The following CDC45 variants were observed in gnomAD, a reference collection of about 807,000 sequenced individuals.
The protein encoded by CDC45 is cell division control protein 45 homolog.
Under a neutral mutation model 77.8 loss-of-function variants are expected in CDC45, and 54 were observed. The ratio of observed to expected loss-of-function variants is 0.69; its 90% CI spans 0.56 to 0.87. CDC45 has a LOEUF of 0.87. CDC45 is among the 40% of genes least tolerant of loss of function. CDC45 has a pLI of 0.00. For missense variants in CDC45, 649 were observed against 721.6 expected (o/e 0.90, Z 1.15); for synonymous variants, 260 against 272.1 (o/e 0.96, Z 0.44).
rs781342027 is a variant in CDC45, at chr22:19,516,662, C to T, written c.1559+17C>T. On this transcript the variant is annotated intron_variant, in intron 16 of 18. Coordinates refer to ENST00000263201, the MANE Select transcript of CDC45 (RefSeq NM_003504.5). ...CAGGAAGAAGTGAGCAGCTTCCACT[C>T]GTCCTGGGACTGGAGGGTCGGGGGT... 55 of 1,599,526 alleles carry T rather than the reference C, an allele frequency of 3.4e-5. No individual in the cohort carries two copies. In the South Asian group the frequency reaches 4.2e-4, roughly 12 times the overall value.
intron 13 of CDC45, among the ~76,000 whole-genome samples, chr22:19,509,225 T>C (rs1180917302): frequency 6.6e-6 from 1 of 152,214 alleles, no homozygotes; most frequent in Non-Finnish European, 1.5e-5. Context: ...AAGAGGATTA[T>C]AGTGTCTGCG....
chr22:19,516,295 C>A, intron 15 of CDC45: 1 of 555,378 alleles, frequency 1.8e-6, no homozygotes. Context: ...GCCACAGTAC[C>A]ATGCTGTGGG....
chr22:19,483,765 C>A, intron 4 of CDC45, 97 bp from the exon 5 acceptor site: 2 of 1,173,750 alleles, frequency 1.7e-6, no homozygotes, highest in Non-Finnish European at 2.4e-6. Flanking sequence ...GAAACTGAGT[C>A]AGCTTATTAG....
At chr22:19,491,716 AT>A (rs1439927216) in intron 5 of CDC45, among the ~76,000 whole-genome samples, 1 of 151,144 alleles carries the variant, frequency 6.6e-6, no homozygotes, top group East Asian at 1.9e-4. Context: ...TGTTTCTCTT[AT>A]TTTTTTGAGA....
At chr22:19,506,912 C>T (rs1362097964) in intron 10 of CDC45, among the ~76,000 whole-genome samples, 9 of 150,306 alleles carry the variant, frequency 6.0e-5, no homozygotes, top group Admixed American at 4.0e-4. Flanking sequence ...CCAGCCTGGG[C>T]GACAGAGCGA....
At chr22:19,499,441 G>C (rs2090301665) in intron 9 of CDC45, among the ~76,000 whole-genome samples, 1 of 152,122 alleles carries the variant, frequency 6.6e-6, no homozygotes, top group Non-Finnish European at 1.5e-5. Context: ...GCCAGGCTTA[G>C]AGGCAGGTGC....
rs13447236 is a variant in CDC45 at position 19,500,420 on chromosome 22, C to A, written c.704+1269C>A. 3.9e-3 allele frequency among the ~76,000 whole-genome samples: 592 copies of A among 152,258 alleles called. 4 individuals carry two copies. The highest frequency in any genetic ancestry group is 0.013 in the African/African-American group (555 of 41,536). On this transcript the variant is annotated intron_variant, in intron 9 of 18. Transcript: ENST00000263201. ...AGTCACTAGGTCGGCGTGCTCTCTG[C>A]CTGCTTCCTCGTAGCTGCTTGGTGT...
chr22:19,486,453 T>C (rs1389902347), intron 5 of CDC45, among the ~76,000 whole-genome samples: 2 of 152,218 alleles, frequency 1.3e-5, no homozygotes, highest in African/African-American at 4.8e-5. Flanking sequence ...TTACCTCTTT[T>C]TTTTCTTTTG....
chr22:19,480,201 C>T lies in CDC45; in HGVS notation c.95C>T (p.Ala32Val). The change falls in exon 2 of 19, where the codon GCG becomes GTG. Residue 32 changes from alanine to valine, a missense_variant. Coordinates refer to ENST00000263201, the MANE Select transcript of CDC45 (RefSeq NM_003504.5). ...FVASDVDALCACKILQALFQC... is the reference protein window; with the variant it reads ...FVASDVDALCVCKILQALFQC... ...GCCTCGGACGTGGATGCTCTGTGTGCGTGCAAGATCCTTCAGGTGAGTTCT... is the reference window on the plus strand; with the variant it reads ...GCCTCGGACGTGGATGCTCTGTGTGTGTGCAAGATCCTTCAGGTGAGTTCT... The T allele has an allele frequency of 2.5e-6, 4 of 1,613,852 alleles. No homozygotes were observed.
intron 8 of CDC45, among the ~76,000 whole-genome samples, chr22:19,497,703 T>G (rs1196829567): frequency 1.3e-5 from 2 of 152,076 alleles, no homozygotes; most frequent in Non-Finnish European, 2.9e-5. Context: ...CCTTCCCCAC[T>G]CCTGCTGCTC....
At chr22:19,479,912 C>T, upstream of CDC45, 1 of 1,597,286 alleles carries the variant, frequency 6.3e-7, no homozygotes, top group Non-Finnish European at 8.6e-7. Context: ...GGAGTCTTGA[C>T]CGCCGCCGGG....
At position 19,485,132 on chromosome 22, in the gene CDC45, A is replaced by G. The variant is rs141453532; in HGVS notation, c.486+1127A>G. On this transcript the variant is annotated intron_variant, in intron 5 of 18. Coordinates refer to ENST00000263201, the MANE Select transcript of CDC45 (RefSeq NM_003504.5). ...CTTTTTGTTCTCTGAATTTTTTTTT[A>G]TATAGCATTCTTTTAACTATCGATG... 8.2e-3 allele frequency among the ~76,000 whole-genome samples: 1,246 copies of G among 151,816 alleles called. 16 individuals are homozygous for G. The highest frequency in any genetic ancestry group is 0.029 in the African/African-American group (1,181 of 41,402).
At chr22:19,516,780 G>A in intron 16 of CDC45, 37 bp from the exon 17 acceptor site, 3 of 1,594,180 alleles carry the variant, frequency 1.9e-6, no homozygotes, top group Non-Finnish European at 2.6e-6. Flanking sequence ...GTCCATTGCA[G>A]GCCGCCTGGC....
In CDC45 at chr22:19,505,409, G is replaced by C; in HGVS notation, c.752G>C (p.Arg251Pro). ...DVGVLQRHVS[R>P]HNHRNEDEEN... is the part of the protein sequence containing the mutation. ...GGTGTCCTGCAGCGCCACGTTTCCC[G>C]CCACAACCACCGGAACGAGGATGAG... The change falls in exon 10 of 19, where the codon CGC (arginine) becomes CCC (proline). Residue 251 changes from arginine to proline, a missense_variant. By Grantham distance (103) the Arg-to-Pro change is moderately radical. Coordinates refer to ENST00000263201, the MANE Select transcript of CDC45 (RefSeq NM_003504.5). The C allele has an allele frequency of 6.2e-7, 1 of 1,614,064 alleles. No homozygotes were observed. Among genetic ancestry groups the C allele is most frequent in the Non-Finnish European group, 8.5e-7 (1 of 1,179,956 alleles).
chr22:19,494,535 G>C (rs764074237), intron 6 of CDC45, 153 bp downstream of exon 6: 1 of 1,551,196 alleles, frequency 6.4e-7, no homozygotes, highest in South Asian at 1.2e-5. Context: ...TGTGGCCGCT[G>C]CATTGGAGAA....
In CDC45 at chr22:19,520,508, T is replaced by G. The variant is rs2096054084; in HGVS notation, c.*29T>G. On this transcript the variant is annotated 3_prime_UTR_variant, in exon 19 of 19. Coordinates refer to ENST00000263201, the MANE Select transcript of CDC45 (RefSeq NM_003504.5). This position sits in a 1 kb window ranked among gnomAD's most constrained non-coding sequence, Gnocchi z 4.5. ...TTTGATTCTTCCAGAATGACCTTCTTATTTATGTAACTGGCTTTCATTTAG... is the reference window on the plus strand; with the variant it reads ...TTTGATTCTTCCAGAATGACCTTCTGATTTATGTAACTGGCTTTCATTTAG... 1 of 152,264 alleles carries G rather than the reference T, an allele frequency of 6.6e-6. No homozygotes were observed. The highest frequency in any genetic ancestry group is 1.5e-5 in the Non-Finnish European group (1 of 68,042). 9.4% of individuals were successfully genotyped at this position (152,264 alleles called of 1,614,324 possible).
chr22:19,514,711 A>G (rs777643760), intron 13 of CDC45, 38 bp from the exon 14 acceptor site: 4 of 1,538,296 alleles, frequency 2.6e-6, no homozygotes, highest in Non-Finnish European at 2.6e-6. Context: ...AGAGTTCCTG[A>G]CAAGCACCAC....
intron 10 of CDC45, among the ~76,000 whole-genome samples, chr22:19,507,085 C>T (rs1046725405): frequency 3.3e-5 from 5 of 152,204 alleles, no homozygotes; most frequent in Non-Finnish European, 7.3e-5. Flanking sequence ...CAGCCTCCTA[C>T]GTCATGTGTG....
Position 19,508,697 on chromosome 22 carries a change from A to G in CDC45, c.1217+6A>G. On this transcript the variant is annotated splice_donor_region_variant and intron_variant, in intron 13 of 18. Coordinates refer to ENST00000263201, the MANE Select transcript of CDC45 (RefSeq NM_003504.5). ...GCTCTGGACAGCCTCTCCAGGTAGC[A>G]GGAGGGCTGTGGGTTTGCCTCATGG... The G allele has an allele frequency of 2.5e-6, 4 of 1,613,406 alleles. No individual in the cohort carries two copies. Among genetic ancestry groups the G allele is most frequent in the Non-Finnish European group, 3.4e-6 (4 of 1,179,584 alleles).
Sources: gnomAD v4.1 joint callset for allele counts (sites outside exome capture counted in the v4.1 genomes callset) on GRCh38, gnomAD v4.1.1 for gene constraint, Gnocchi (gnomAD v3.1) non-coding constraint, MANE v1.5 for transcripts, NCBI Gene and HGNC (gene_info 2026-07-23, HGNC 2026-07-21) for gene names.